EXOC4: variants seen among roughly 807,000 people sequenced by gnomAD.
EXOC4 encodes the protein SEC8-like 1.
EXOC4 carries 71 observed loss-of-function variants against 107.2 expected under a neutral mutation model. That is an observed-to-expected ratio of 0.66 (90% CI 0.55 to 0.81). The LOEUF is 0.81. Ranked by LOEUF, EXOC4 falls within the 30% of genes least tolerant of loss-of-function variation. The pLI is 0.00. For synonymous variants in EXOC4, 456 were observed against 441.2 expected (o/e 1.03, Z -0.42); for missense variants, 1,108 against 1,189.6 (o/e 0.93, Z 1.01).
intron 9 of EXOC4, among the ~76,000 whole-genome samples, chr7:133,558,537 G>A (rs915625718): frequency 1.3e-5 from 2 of 152,084 alleles, no homozygotes; most frequent in South Asian, 2.1e-4. Context: ...AATGAGAAAC[G>A]TGTTTAATCT....
At chr7:133,510,303 TC>T (rs1317738683) in intron 9 of EXOC4, among the ~76,000 whole-genome samples, 7 of 152,216 alleles carry the variant, frequency 4.6e-5, no homozygotes, top group African/African-American at 1.7e-4. Context: ...CATAGTTCAT[TC>T]CTTTTTATTA....
At chr7:133,864,487 G>A (rs1461449252) in intron 11 of EXOC4, among the ~76,000 whole-genome samples, 1 of 151,962 alleles carries the variant, frequency 6.6e-6, no homozygotes, top group African/African-American at 2.4e-5. Flanking sequence ...ATTATTAGAT[G>A]TTTTCACTAG....
rs188070459 is a variant in EXOC4 at position 133,578,242 on chromosome 7, C to T, written c.1418-51803C>T. ...GTTTCACCTCTCATCTTAGACTTAT[C>T]GGGATTTTTATGAATGTACCTGACT... On this transcript the variant is annotated intron_variant, in intron 9 of 17. Transcript: ENST00000253861. Among the ~76,000 whole-genome samples the T allele has an allele frequency of 9.2e-4, 140 of 152,204 alleles. 1 individual carries two copies. Among genetic ancestry groups the T allele is most frequent in the African/African-American group, 3.2e-3 (132 of 41,526 alleles).
At chr7:133,393,985 T>C (rs910398615) in intron 7 of EXOC4, among the ~76,000 whole-genome samples, 5 of 152,208 alleles carry the variant, frequency 3.3e-5, no homozygotes, top group African/African-American at 9.6e-5. Context: ...TAGACCAGCC[T>C]GCACTTAAAT....
chr7:133,667,398 G>C (rs948890107), intron 10 of EXOC4, among the ~76,000 whole-genome samples: 1 of 152,120 alleles, frequency 6.6e-6, no homozygotes, highest in African/African-American at 2.4e-5. Flanking sequence ...GAGTATAGAT[G>C]GCTGTTTTAT....
At chr7:133,638,292 A>T (rs1488211300) in intron 10 of EXOC4, among the ~76,000 whole-genome samples, 1 of 152,192 alleles carries the variant, frequency 6.6e-6, no homozygotes, top group Admixed American at 6.5e-5. Context: ...GAAATGCTTA[A>T]CCAGAAGTTG....
chr7:133,365,059 G>C (rs1000096879), intron 6 of EXOC4, among the ~76,000 whole-genome samples: 2 of 152,108 alleles, frequency 1.3e-5, no homozygotes, highest in Non-Finnish European at 2.9e-5. Flanking sequence ...TCAGTGGCAG[G>C]CCTCAGAGAT....
chr7:133,975,770 C>T (rs531901901), intron 14 of EXOC4, among the ~76,000 whole-genome samples: 49 of 149,614 alleles, frequency 3.3e-4, no homozygotes, highest in Admixed American at 1.9e-3. Context: ...CACACACACA[C>T]GCTATTCACT....
At chr7:133,404,338 C>T (rs1039619596) in intron 7 of EXOC4, among the ~76,000 whole-genome samples, 3 of 152,050 alleles carry the variant, frequency 2.0e-5, no homozygotes, top group Admixed American at 6.6e-5. Context: ...CTCCTGACCT[C>T]GTGATCCACC....
intron 9 of EXOC4, among the ~76,000 whole-genome samples, chr7:133,581,651 G>T (rs552656215): frequency 2.0e-5 from 3 of 150,826 alleles, no homozygotes; most frequent in Non-Finnish European, 4.4e-5. Context: ...CCAGCTACTC[G>T]GGAGGCTGAG....
intron 10 of EXOC4, among the ~76,000 whole-genome samples, chr7:133,770,770 A>G (rs77149499): frequency 0.016 from 2,413 of 152,058 alleles, 61 homozygotes; most frequent in African/African-American, 0.055. Flanking sequence ...CTGAATTCAT[A>G]TGAGGCCACA....
intron 14 of EXOC4, among the ~76,000 whole-genome samples, chr7:133,964,325 T>C (rs1400618164): frequency 6.6e-6 from 1 of 152,246 alleles, no homozygotes; most frequent in South Asian, 2.1e-4. Context: ...CTTGAGTTTT[T>C]TTTTTCTTCT....
At chr7:134,015,067 AGAAGATGTTCAAG>A (rs1794869503) in intron 17 of EXOC4, among the ~76,000 whole-genome samples, 1 of 152,150 alleles carries the variant, frequency 6.6e-6, no homozygotes, top group African/African-American at 2.4e-5. Flanking sequence ...CGGGGACTGG[AGAAGATGTTCAAG>A]GAAGGAGGTG....
chr7:133,321,499 T>G (rs1483767713), intron 5 of EXOC4, among the ~76,000 whole-genome samples: 1 of 152,176 alleles, frequency 6.6e-6, no homozygotes. Context: ...AACTCCCACT[T>G]ATGAGTGAGA....
downstream of EXOC4, among the ~76,000 whole-genome samples, chr7:134,068,678 C>T (rs1034995894): frequency 1.3e-5 from 2 of 152,168 alleles, no homozygotes; most frequent in Non-Finnish European, 2.9e-5. Flanking sequence ...TTACTGCCCT[C>T]TGCAGAGTAA....
At chr7:133,483,410 T>C (rs993981242) in intron 9 of EXOC4, among the ~76,000 whole-genome samples, 1 of 152,222 alleles carries the variant, frequency 6.6e-6, no homozygotes, top group Admixed American at 6.5e-5. Flanking sequence ...AAAACTACTG[T>C]ATGTAATTGA....
chr7:133,923,701 A>C (rs1799989933), intron 13 of EXOC4, among the ~76,000 whole-genome samples: 1 of 152,194 alleles, frequency 6.6e-6, no homozygotes. Flanking sequence ...CCCACTGTAC[A>C]GGCCACCTTT....
chr7:133,932,257 C>T (rs902516460), intron 13 of EXOC4, among the ~76,000 whole-genome samples: 1 of 152,130 alleles, frequency 6.6e-6, no homozygotes, highest in Non-Finnish European at 1.5e-5. Flanking sequence ...AGAAACAGCA[C>T]GCTGGGAAGA....
chr7:133,263,374 CTTTTTTTTTTTTTTT>C lies in EXOC4; in HGVS notation c.86+10198_86+10212del, dbSNP rs920302686. Among the ~76,000 whole-genome samples the C allele has an allele frequency of 2.4e-5, 2 of 83,974 alleles. 1 individual carries two copies. The highest frequency in any genetic ancestry group is 4.5e-5 in the Non-Finnish European group (2 of 44,524). 55.1% of individuals were successfully genotyped at this position (83,974 alleles called of 152,430 possible). On this transcript the variant is annotated intron_variant, in intron 1 of 17. Transcript: ENST00000253861. ...TAGATATGTTTTTTAAAAAAGCATT[CTTTTTTTTTTTTTTT>C]TTTTTTTTTTGAGACAGGGTCTCAC...
Sources: gnomAD v4.1 joint callset for allele counts (sites outside exome capture counted in the v4.1 genomes callset) on GRCh38, gnomAD v4.1.1 for gene constraint, MANE v1.5 for transcripts, NCBI Gene and HGNC (gene_info 2026-07-23, HGNC 2026-07-21) for gene names.